CYP19A1: variants seen among roughly 807,000 people sequenced by gnomAD.
CYP19A1 encodes aromatase.
Under a neutral mutation model 44.4 loss-of-function variants are expected in CYP19A1, and 32 were observed. That is an observed-to-expected ratio of 0.72 (90% CI 0.54 to 0.97). The LOEUF (loss-of-function observed/expected upper bound fraction) is 0.97. Ranked by LOEUF, CYP19A1 falls within the 50% of genes least tolerant of loss-of-function variation. The pLI is 0.00. For missense variants in CYP19A1, 598 were observed against 637.8 expected, an observed-to-expected ratio of 0.94 and a Z score of 0.67; for synonymous variants, 212 against 215.6, an observed-to-expected ratio of 0.98 and a Z score of 0.14.
At chr15:51,257,759 G>T (rs998285678) in intron 1 of CYP19A1, among the ~76,000 whole-genome samples, 5 of 151,210 alleles carry the variant, frequency 3.3e-5, no homozygotes, top group Admixed American at 2.0e-4. Context: ...TGAAGGTCAA[G>T]TTTTTTTTTT....
chr15:51,334,060 A>G (rs927077326), intron 1 of CYP19A1, among the ~76,000 whole-genome samples: 2 of 152,112 alleles, frequency 1.3e-5, no homozygotes, highest in Non-Finnish European at 2.9e-5. Flanking sequence ...TTCTTTCCTG[A>G]CTAGCTTACA....
intron 1 of CYP19A1, among the ~76,000 whole-genome samples, chr15:51,274,887 G>A (rs772134245): frequency 1.3e-5 from 2 of 152,164 alleles, no homozygotes; most frequent in Non-Finnish European, 2.9e-5. Context: ...AGAGGGGACA[G>A]CATACCGAAA....
At chr15:51,329,159 G>C (rs1446403005) in intron 1 of CYP19A1, among the ~76,000 whole-genome samples, 1 of 152,150 alleles carries the variant, frequency 6.6e-6, no homozygotes, top group African/African-American at 2.4e-5. Context: ...TCCCACACAA[G>C]TCTGAGCCAT....
Position 51,208,397 on chromosome 15 carries a change from G to T in CYP19A1, c.*2411C>A, listed in dbSNP as rs1401286955. 6.6e-6 allele frequency: 1 copy of T among 152,104 alleles called. No homozygotes were observed. Among genetic ancestry groups the T allele is most frequent in the Admixed American group, 6.5e-5 (1 of 15,268 alleles). The allele number at this position is 152,104 out of a possible 1,614,324, so 9.4% of individuals were successfully genotyped here. On this transcript the variant is annotated 3_prime_UTR_variant, in exon 10 of 10. Coordinates refer to ENST00000396402, the MANE Select transcript of CYP19A1 (RefSeq NM_000103.4). ...TTGTCCTTACAATTTGATAATGATA[G>T]AGCCCTTATATGCATGCATTTCACT...
intron 3 of CYP19A1, among the ~76,000 whole-genome samples, chr15:51,228,135 TC>T (rs2032747582): frequency 6.6e-6 from 1 of 152,154 alleles, no homozygotes; most frequent in Admixed American, 6.5e-5. Context: ...ACCTACTGAC[TC>T]CCTGTTTCAA....
intron 1 of CYP19A1, among the ~76,000 whole-genome samples, chr15:51,272,236 C>T (rs2035152932): frequency 6.6e-6 from 1 of 152,336 alleles, no homozygotes; most frequent in African/African-American, 2.4e-5. Flanking sequence ...TCCCAACCTT[C>T]AAGATACGTG....
intron 1 of CYP19A1, among the ~76,000 whole-genome samples, chr15:51,267,648 G>C (rs28490942): frequency 0.45 from 67,710 of 152,144 alleles, 15,219 homozygotes; most frequent in African/African-American, 0.46. Flanking sequence ...TGAGACAAGA[G>C]TCCAAGCTCT....
intron 1 of CYP19A1, among the ~76,000 whole-genome samples, chr15:51,283,379 A>G (rs1311219997): frequency 1.3e-5 from 2 of 152,202 alleles, no homozygotes; most frequent in Admixed American, 1.3e-4. Flanking sequence ...TGGTGGTGCT[A>G]TACAAAATTC....
At chr15:51,214,136 G>A (rs750786226) in intron 8 of CYP19A1, among the ~76,000 whole-genome samples, 1 of 152,176 alleles carries the variant, frequency 6.6e-6, no homozygotes, top group Non-Finnish European at 1.5e-5. Flanking sequence ...AACTTGTTTT[G>A]CAGGGTCTGT....
rs11575899 is a variant in CYP19A1, at chr15:51,227,748, A to AAAG, written c.451+28_451+30dup. The AAAG allele has an allele frequency of 0.63, 588,971 of 940,980 alleles. 195,892 individuals are homozygous for AAAG. The highest frequency in any genetic ancestry group is 0.72 in the South Asian group (51,727 of 72,118). The allele number at this position is 940,980 out of a possible 1,614,324, so 58.3% of individuals were successfully genotyped here. A position where few individuals can be genotyped will look rare whatever the true frequency, so the allele number is the denominator to read the frequency against. ...CAAAAAAGGCACATTCATAGACAAAAAAGATTGTAGCTAACTAAGTACCTG... is the reference window on the plus strand; with the variant it reads ...CAAAAAAGGCACATTCATAGACAAAAAAGAAGATTGTAGCTAACTAAGTACCTG... On this transcript the variant is annotated intron_variant, in intron 4 of 9. Transcript: ENST00000396402.
rs543318989 is a variant in CYP19A1, at chr15:51,210,625, G to T, written c.*183C>A. ...TTTTTCTCTTGTAGCCTGGTTCTCT[G>T]GTGTGAACAGGAGCAGATGACAAAT... is the stretch of plus-strand genomic sequence containing the variant. On this transcript the variant is annotated 3_prime_UTR_variant, in exon 10 of 10. Transcript: ENST00000396402. 3 of 730,148 alleles carry T rather than the reference G, an allele frequency of 4.1e-6. No homozygotes were observed. The highest frequency in any genetic ancestry group is 7.6e-6 in the Non-Finnish European group (3 of 397,132). The allele number at this position is 730,148 out of a possible 1,614,324, so 45.2% of individuals were successfully genotyped here. A position where few individuals can be genotyped will look rare whatever the true frequency, so the allele number is the denominator to read the frequency against.
intron 1 of CYP19A1, among the ~76,000 whole-genome samples, chr15:51,278,377 G>C (rs1013638599): frequency 2.6e-5 from 4 of 152,178 alleles, no homozygotes; most frequent in African/African-American, 7.2e-5. Flanking sequence ...GTAATATCAT[G>C]CCTCCCTTCC....
intron 1 of CYP19A1, among the ~76,000 whole-genome samples, chr15:51,294,930 T>C (rs974820128): frequency 1.3e-5 from 2 of 151,638 alleles, no homozygotes; most frequent in Non-Finnish European, 2.9e-5. Flanking sequence ...GCTGTGTCTG[T>C]GTAGAAAGAG....
At chr15:51,319,370 T>A (rs1595782979) in intron 1 of CYP19A1, among the ~76,000 whole-genome samples, 1 of 152,358 alleles carries the variant, frequency 6.6e-6, no homozygotes, top group East Asian at 1.9e-4. Flanking sequence ...GATCAGACAC[T>A]TTAAGTAATT....
At position 51,210,802 on chromosome 15, in the gene CYP19A1, C is replaced by T; in HGVS notation, c.*6G>A. The T allele has an allele frequency of 1.9e-6, 3 of 1,561,486 alleles. No homozygotes were observed. The highest frequency in any genetic ancestry group is 2.7e-6 in the Non-Finnish European group (3 of 1,131,664). Reference sequence around the variant, plus strand: ...ATGCTCCAGAGTGGGTACTGACCAGCCTTCTCTAGTGTTCCAGACACCTGT... The same window carrying T: ...ATGCTCCAGAGTGGGTACTGACCAGTCTTCTCTAGTGTTCCAGACACCTGT... On this transcript the variant is annotated 3_prime_UTR_variant, in exon 10 of 10. Transcript: ENST00000396402.
intron 1 of CYP19A1, among the ~76,000 whole-genome samples, chr15:51,284,064 C>T (rs770134790): frequency 6.6e-6 from 1 of 152,100 alleles, no homozygotes; most frequent in Non-Finnish European, 1.5e-5. Flanking sequence ...CTGATTATAC[C>T]AGAGAAATTC....
intron 1 of CYP19A1, chr15:51,320,316 G>A (rs1384157824): frequency 1.3e-5 from 2 of 152,394 alleles, no homozygotes; most frequent in Non-Finnish European, 2.9e-5. Context: ...CCCAATATGA[G>A]GATGTTTGCC....
At chr15:51,254,717 T>G (rs1422316436) in intron 1 of CYP19A1, among the ~76,000 whole-genome samples, 1 of 152,232 alleles carries the variant, frequency 6.6e-6, no homozygotes, top group Non-Finnish European at 1.5e-5. Flanking sequence ...AAAACTAAAA[T>G]ATTAATGTCC....
intron 1 of CYP19A1, among the ~76,000 whole-genome samples, chr15:51,304,058 A>T (rs1202899297): frequency 6.6e-6 from 1 of 152,218 alleles, no homozygotes; most frequent in Non-Finnish European, 1.5e-5. Context: ...GACCAGGGAG[A>T]AAAATAGACG....
Sources: gnomAD v4.1 joint callset for allele counts (sites outside exome capture counted in the v4.1 genomes callset) on GRCh38, gnomAD v4.1.1 for gene constraint, MANE v1.5 for transcripts, NCBI Gene and HGNC (gene_info 2026-07-23, HGNC 2026-07-21) for gene names.